The following CDH13 variants were observed in gnomAD, a reference collection of about 807,000 sequenced individuals.
CDH13 encodes cadherin-13.
Under a neutral mutation model 63.8 loss-of-function variants are expected in CDH13, and 24 were observed. The ratio of observed to expected loss-of-function variants is 0.38; its 90% CI spans 0.27 to 0.53. The LOEUF (loss-of-function observed/expected upper bound fraction) is 0.53. Among genes scored for constraint, CDH13 ranks in the 20% least tolerant of loss-of-function variants. CDH13 has a pLI of 0.85. For synonymous variants in CDH13, 503 were observed against 355.3 expected, an observed-to-expected ratio of 1.42 and a Z score of -4.67; for missense variants, 1,049 against 903.1, an observed-to-expected ratio of 1.16 and a Z score of -2.07.
intron 6 of CDH13, among the ~76,000 whole-genome samples, chr16:83,408,116 A>T (rs2092074306): frequency 6.6e-6 from 1 of 152,180 alleles, no homozygotes. Context: ...GCTGCTAAAG[A>T]TGTACCCGGT....
intron 6 of CDH13, among the ~76,000 whole-genome samples, chr16:83,436,047 G>T (rs1282862409): frequency 6.6e-6 from 1 of 152,176 alleles, no homozygotes; most frequent in Non-Finnish European, 1.5e-5. Context: ...GTGGCGTCTC[G>T]CAGGTCAAGG....
rs1904281991 is a variant in CDH13, at chr16:83,796,512, T to A, written c.*1482T>A. 1 of 152,242 alleles carries A rather than the reference T, an allele frequency of 6.6e-6. No individual in the cohort carries two copies. The highest frequency in any genetic ancestry group is 1.5e-5 in the Non-Finnish European group (1 of 68,040). The allele number at this position is 152,242 out of a possible 1,614,324, so 9.4% of individuals were successfully genotyped here. ...ACAGATAGAGTTCCATATATTGTATTTGTTTCAATGGTAAATCCTTTTGGA... is the reference window on the plus strand; with the variant it reads ...ACAGATAGAGTTCCATATATTGTATATGTTTCAATGGTAAATCCTTTTGGA... On this transcript the variant is annotated 3_prime_UTR_variant, in exon 14 of 14. Coordinates refer to ENST00000567109, the MANE Select transcript of CDH13 (RefSeq NM_001257.5).
At chr16:83,744,253 A>T (rs1340166883) in intron 10 of CDH13, among the ~76,000 whole-genome samples, 1 of 152,196 alleles carries the variant, frequency 6.6e-6, no homozygotes, top group Non-Finnish European at 1.5e-5. Context: ...CATTTTTACC[A>T]GTGCATGTGC....
chr16:82,823,714 A>G (rs2038112663), intron 1 of CDH13: 1 of 152,180 alleles, frequency 6.6e-6, no homozygotes, highest in South Asian at 2.1e-4. Context: ...ATAGTATAAT[A>G]TTGTGTGTAT....
At chr16:82,793,711 C>G (rs1030664498) in intron 1 of CDH13, among the ~76,000 whole-genome samples, 1 of 152,160 alleles carries the variant, frequency 6.6e-6, no homozygotes, top group South Asian at 2.1e-4. Flanking sequence ...ATGTAGATGA[C>G]TGTGCTGCTC....
Position 82,675,480 on chromosome 16 carries a change from A to C in CDH13, c.45+48343A>C, listed in dbSNP as rs574625053. Among the ~76,000 whole-genome samples the C allele has an allele frequency of 9.1e-4, 139 of 152,330 alleles. 1 individual carries two copies. Among genetic ancestry groups the C allele is most frequent in the Non-Finnish European group, 1.8e-3 (125 of 68,026 alleles). Reference sequence around the variant, plus strand: ...CCAGTAAGCTTGCCATTACCAAGGAATTAAGGTATTCTCCTCTGGTAGGAA... The same window carrying C: ...CCAGTAAGCTTGCCATTACCAAGGACTTAAGGTATTCTCCTCTGGTAGGAA... On this transcript the variant is annotated intron_variant, in intron 1 of 13. Coordinates refer to ENST00000567109, the MANE Select transcript of CDH13 (RefSeq NM_001257.5).
intron 6 of CDH13, among the ~76,000 whole-genome samples, chr16:83,385,186 G>A (rs1487217128): frequency 6.6e-6 from 1 of 152,198 alleles, no homozygotes; most frequent in Admixed American, 6.5e-5. Flanking sequence ...TTCTTTAGAG[G>A]CATCAGCTGG....
chr16:82,847,725 T>A (rs1319202055), intron 1 of CDH13, among the ~76,000 whole-genome samples: 1 of 152,176 alleles, frequency 6.6e-6, no homozygotes, highest in Non-Finnish European at 1.5e-5. Flanking sequence ...CGTTATCTCA[T>A]TAAAGCTTCC....
intron 6 of CDH13, among the ~76,000 whole-genome samples, chr16:83,414,939 A>C (rs1304555609): frequency 6.6e-6 from 1 of 152,134 alleles, no homozygotes; most frequent in Non-Finnish European, 1.5e-5. Context: ...TTTTTGGACA[A>C]ATACCCAGAA....
intron 2 of CDH13, among the ~76,000 whole-genome samples, chr16:82,914,374 G>A (rs2041921406): frequency 6.6e-6 from 1 of 152,034 alleles, no homozygotes; most frequent in Non-Finnish European, 1.5e-5. Flanking sequence ...CATTTTACAG[G>A]GAGAAAAAAA....
chr16:83,100,215 C>T (rs2034407806), intron 3 of CDH13, among the ~76,000 whole-genome samples: 1 of 152,002 alleles, frequency 6.6e-6, no homozygotes, highest in Non-Finnish European at 1.5e-5. Flanking sequence ...CCTCATGGAT[C>T]TTATGTATGG....
At chr16:82,668,441 C>T (rs1912862107) in intron 1 of CDH13, among the ~76,000 whole-genome samples, 1 of 152,134 alleles carries the variant, frequency 6.6e-6, no homozygotes. Flanking sequence ...CATTCAGAGC[C>T]TGAACTGGTA....
chr16:83,474,001 TG>T (rs751995429), intron 6 of CDH13, among the ~76,000 whole-genome samples: 3 of 152,176 alleles, frequency 2.0e-5, no homozygotes, highest in Non-Finnish European at 2.9e-5. Context: ...CACCAACTTT[TG>T]TATTCATTCA....
intron 7 of CDH13, among the ~76,000 whole-genome samples, chr16:83,586,634 A>G (rs1032259146): frequency 4.6e-5 from 7 of 152,228 alleles, no homozygotes; most frequent in Non-Finnish European, 8.8e-5. Flanking sequence ...TTCAAGAACA[A>G]AATGACTGCT....
chr16:83,357,385 G>C (rs185252968), intron 6 of CDH13, among the ~76,000 whole-genome samples: 33 of 152,162 alleles, frequency 2.2e-4, no homozygotes, highest in African/African-American at 7.7e-4. Flanking sequence ...AATCAGCTTC[G>C]GTCTGTGATG....
At chr16:83,499,505 C>A (rs1355042920) in intron 7 of CDH13, among the ~76,000 whole-genome samples, 1 of 152,238 alleles carries the variant, frequency 6.6e-6, no homozygotes. Flanking sequence ...AACCAGTAAC[C>A]ATAATTATGA....
intron 13 of CDH13, among the ~76,000 whole-genome samples, chr16:83,792,034 C>A (rs971619359): frequency 6.6e-6 from 1 of 152,206 alleles, no homozygotes; most frequent in African/African-American, 2.4e-5. Context: ...TCTCATTGAT[C>A]TGCTTTCTCT....
chr16:83,626,474 G>A (rs1306136387), intron 8 of CDH13, among the ~76,000 whole-genome samples: 2 of 152,144 alleles, frequency 1.3e-5, no homozygotes, highest in Non-Finnish European at 1.5e-5. Context: ...GGTCTTTGCT[G>A]GGGACCTAAA....
intron 4 of CDH13, among the ~76,000 whole-genome samples, chr16:83,157,617 G>A (rs768679891): frequency 1.3e-5 from 2 of 152,042 alleles, no homozygotes; most frequent in South Asian, 2.1e-4. Context: ...ATGTCCGGCC[G>A]GGCGCGGTGG....
Sources: gnomAD v4.1 joint callset for allele counts (sites outside exome capture counted in the v4.1 genomes callset) on GRCh38, gnomAD v4.1.1 for gene constraint, MANE v1.5 for transcripts, NCBI Gene and HGNC (gene_info 2026-07-23, HGNC 2026-07-21) for gene names.